The following CDK14 variants were observed in gnomAD, a reference collection of about 807,000 sequenced individuals.
CDK14 encodes cyclin-dependent kinase 14.
A neutral mutation model predicts 60.7 loss-of-function variants in CDK14; 34 were observed. The observed-to-expected ratio is 0.56, with a 90% CI of 0.43 to 0.75. The LOEUF (loss-of-function observed/expected upper bound fraction) is 0.75. Ranked by LOEUF, CDK14 falls within the 30% of genes least tolerant of loss-of-function variation. The pLI is 0.00. For synonymous variants in CDK14, 197 were observed against 203.7 expected, an observed-to-expected ratio of 0.97 and a Z score of 0.28; for missense variants, 482 against 564.1, an observed-to-expected ratio of 0.85 and a Z score of 1.47.
At chr7:90,700,788 T>G (rs1025391095) in intron 2 of CDK14, among the ~76,000 whole-genome samples, 5 of 152,180 alleles carry the variant, frequency 3.3e-5, no homozygotes, top group African/African-American at 1.2e-4. Context: ...CTTCTCAACT[T>G]GAACTCCCAT....
intron 9 of CDK14, among the ~76,000 whole-genome samples, chr7:90,971,320 G>A (rs746512799): frequency 6.6e-6 from 1 of 152,146 alleles, no homozygotes; most frequent in African/African-American, 2.4e-5. Context: ...GGTTAGTACA[G>A]TGGCAGCTCA....
chr7:91,048,149 CT>C (rs1797293604), intron 11 of CDK14, among the ~76,000 whole-genome samples: 1 of 152,192 alleles, frequency 6.6e-6, no homozygotes, highest in Non-Finnish European at 1.5e-5. Flanking sequence ...GCCACCTCCC[CT>C]CTGCCAACTT....
At chr7:91,192,471 A>G (rs1802393042) in intron 14 of CDK14, among the ~76,000 whole-genome samples, 1 of 152,188 alleles carries the variant, frequency 6.6e-6, no homozygotes, top group Admixed American at 6.5e-5. Flanking sequence ...TAAGGCCCAG[A>G]AACACAATAA....
chr7:90,664,462 T>G (rs1280127620), intron 2 of CDK14, among the ~76,000 whole-genome samples: 5 of 152,158 alleles, frequency 3.3e-5, no homozygotes, highest in Admixed American at 2.6e-4. Context: ...GGATTATAAA[T>G]CATGCTGCCA....
At chr7:90,952,025 C>T (rs915279804) in intron 8 of CDK14, among the ~76,000 whole-genome samples, 1 of 152,092 alleles carries the variant, frequency 6.6e-6, no homozygotes, top group African/African-American at 2.4e-5. Flanking sequence ...GTGTATATAA[C>T]CATAGGCAAA....
At chr7:90,651,666 T>TGTAG (rs1268379409) in intron 2 of CDK14, among the ~76,000 whole-genome samples, 2 of 152,196 alleles carry the variant, frequency 1.3e-5, no homozygotes, top group East Asian at 3.9e-4. Context: ...GTAGTTAATT[T>TGTAG]TTCTTTCTTG....
chr7:91,145,449 C>T (rs948032115), intron 14 of CDK14, among the ~76,000 whole-genome samples: 22 of 152,140 alleles, frequency 1.4e-4, no homozygotes, highest in Admixed American at 5.2e-4. Context: ...TTTTAATTAC[C>T]TCAAAAAAGA....
rs537102815 is a variant in CDK14, at chr7:90,940,796, AG to A, written c.827-14900del. 1.4e-3 allele frequency among the ~76,000 whole-genome samples: 211 copies of A among 152,146 alleles called. 1 individual carries two copies. Among genetic ancestry groups the A allele is most frequent in the African/African-American group, 4.8e-3 (198 of 41,506 alleles). On this transcript the variant is annotated intron_variant, in intron 8 of 14. Coordinates refer to ENST00000380050, the MANE Select transcript of CDK14 (RefSeq NM_001287135.2). Reference sequence around the variant, plus strand: ...ACCAGACCTTGTCTCAAAAAAAAAAAGTGTATATCTATCTATATCTGTATTT... The same window carrying A: ...ACCAGACCTTGTCTCAAAAAAAAAAATGTATATCTATCTATATCTGTATTT...
intron 14 of CDK14, among the ~76,000 whole-genome samples, chr7:91,145,058 T>C (rs1360209558): frequency 6.6e-6 from 1 of 152,188 alleles, no homozygotes; most frequent in Non-Finnish European, 1.5e-5. Flanking sequence ...TTATGTGAGT[T>C]AAGCCATGAG....
chr7:90,969,050 C>T (rs1794843075), intron 9 of CDK14, among the ~76,000 whole-genome samples: 1 of 152,100 alleles, frequency 6.6e-6, no homozygotes, highest in Admixed American at 6.5e-5. Context: ...GTGCAGTGGC[C>T]AGACTGCAAA....
chr7:90,863,327 G>T, intron 6 of CDK14, 58 bp downstream of exon 6: 1 of 1,003,840 alleles, frequency 1.0e-6, no homozygotes, highest in South Asian at 1.4e-5. Context: ...AATTCTTATA[G>T]TGTTGTCATA....
At chr7:90,956,143 C>T (rs1215540112) in intron 9 of CDK14, among the ~76,000 whole-genome samples, 5 of 152,100 alleles carry the variant, frequency 3.3e-5, no homozygotes, top group African/African-American at 9.7e-5. Context: ...CAGACGGCAA[C>T]AGGATTGGAG....
At chr7:90,657,122 C>G (rs1226237245) in intron 2 of CDK14, among the ~76,000 whole-genome samples, 1 of 152,100 alleles carries the variant, frequency 6.6e-6, no homozygotes, top group Non-Finnish European at 1.5e-5. Context: ...TTATGTAACT[C>G]CTTCTCCCTT....
intron 14 of CDK14, among the ~76,000 whole-genome samples, chr7:91,142,278 A>G (rs1800491520): frequency 1.3e-5 from 2 of 152,236 alleles, no homozygotes; most frequent in African/African-American, 2.4e-5. Flanking sequence ...AGCAGTGATC[A>G]GTAGGGCTGA....
intron 7 of CDK14, among the ~76,000 whole-genome samples, chr7:90,911,759 A>G (rs1293390959): frequency 1.3e-5 from 2 of 152,192 alleles, no homozygotes; most frequent in Admixed American, 6.5e-5. Flanking sequence ...AGCAATAAAC[A>G]TAACATTGAA....
At chr7:90,627,011 CAG>C (rs1799890263) in intron 2 of CDK14, among the ~76,000 whole-genome samples, 1 of 151,814 alleles carries the variant, frequency 6.6e-6, no homozygotes, top group Non-Finnish European at 1.5e-5. Flanking sequence ...GTAAAAGAAA[CAG>C]ATAACTTTAC....
intron 2 of CDK14, among the ~76,000 whole-genome samples, chr7:90,714,632 T>TA (rs1304430634): frequency 1.3e-5 from 2 of 152,114 alleles, no homozygotes; most frequent in Non-Finnish European, 2.9e-5. Flanking sequence ...AAGCTCTGTG[T>TA]GGTTAGTGAC....
intron 11 of CDK14, among the ~76,000 whole-genome samples, chr7:91,075,982 T>C (rs1237570098): frequency 6.6e-6 from 1 of 151,682 alleles, no homozygotes; most frequent in Non-Finnish European, 1.5e-5. Context: ...CACAAACAAA[T>C]GGAAAAACAT....
chr7:90,959,243 G>C (rs1450543259), intron 9 of CDK14, among the ~76,000 whole-genome samples: 7 of 152,112 alleles, frequency 4.6e-5, no homozygotes, highest in African/African-American at 1.2e-4. Flanking sequence ...TAGCAAATGT[G>C]TTATGTCTGA....
Sources: gnomAD v4.1 joint callset for allele counts (sites outside exome capture counted in the v4.1 genomes callset) on GRCh38, gnomAD v4.1.1 for gene constraint, MANE v1.5 for transcripts, NCBI Gene and HGNC (gene_info 2026-07-23, HGNC 2026-07-21) for gene names.